Variants in FAAH2 observed in about 807,000 individuals in gnomAD.
FAAH2 encodes the protein fatty acid amide hydrolase 2, also known as fatty-acid amide hydrolase 2.
Under a neutral mutation model 36.9 loss-of-function variants are expected in FAAH2, and 60 were observed. The ratio of observed to expected loss-of-function variants is 1.63; its 90% CI spans 1.32 to 2.02. FAAH2 has a LOEUF of 2.02. FAAH2 is among the 30% of genes most tolerant of loss of function. FAAH2 has a pLI of 0.00. For synonymous variants in FAAH2, 214 were observed against 143.8 expected (o/e 1.49, Z -3.49); for missense variants, 689 against 397.5 (o/e 1.73, Z -6.23).
chrX:57,149,342 C>T, the FAAH2 span, among the ~76,000 whole-genome samples: 1 of 111,648 alleles, frequency 9.0e-6, no homozygotes, highest in South Asian at 3.8e-4. Flanking sequence ...GTACCAGCTC[C>T]TTCTTGTACC....
intron 7 of FAAH2, among the ~76,000 whole-genome samples, chrX:57,422,529 G>T (rs374995673): frequency 4.5e-4 from 50 of 111,876 alleles, no homozygotes; most frequent in African/African-American, 1.5e-3. Context: ...GGAAATAATC[G>T]CAAGATGGTT....
the FAAH2 span, among the ~76,000 whole-genome samples, chrX:57,226,605 G>A: frequency 2.7e-5 from 3 of 111,480 alleles, no homozygotes; most frequent in East Asian, 2.8e-4. Context: ...CTTAACTTTC[G>A]ATAACCTGAT....
chrX:57,352,733 A>G (rs1349608691), intron 5 of FAAH2, among the ~76,000 whole-genome samples: 1 of 111,341 alleles, frequency 9.0e-6, no homozygotes, highest in African/African-American at 3.2e-5. Flanking sequence ...CACCAAAAAT[A>G]TTTAAATTTG....
chrX:57,434,083 AT>A (rs771256980), intron 8 of FAAH2, among the ~76,000 whole-genome samples: 3,337 of 93,989 alleles, frequency 0.036, 123 homozygotes, highest in African/African-American at 0.11. Flanking sequence ...AATTAAATTG[AT>A]TTTTTTTTTT....
intron 7 of FAAH2, among the ~76,000 whole-genome samples, chrX:57,420,664 A>T (rs762414967): frequency 9.2e-6 from 1 of 108,985 alleles, no homozygotes; most frequent in Non-Finnish European, 1.9e-5. Context: ...TGTCATCTGC[A>T]AACAGGGACA....
chrX:57,131,751 A>G, the FAAH2 span, among the ~76,000 whole-genome samples: 1 of 112,396 alleles, frequency 8.9e-6, no homozygotes, highest in African/African-American at 3.2e-5. Flanking sequence ...AATATTACAG[A>G]TATGCTTGAA....
intron 10 of FAAH2, among the ~76,000 whole-genome samples, chrX:57,469,292 A>G (rs1415713544): frequency 8.9e-6 from 1 of 111,991 alleles, no homozygotes; most frequent in Non-Finnish European, 1.9e-5. Context: ...CTATTAAAAG[A>G]CACAGACTGA....
the FAAH2 span, among the ~76,000 whole-genome samples, chrX:57,268,885 T>C: frequency 1.8e-5 from 2 of 111,473 alleles, no homozygotes; most frequent in Non-Finnish European, 3.8e-5. Context: ...AATCCACACA[T>C]ATCAATACTG....
the FAAH2 span, among the ~76,000 whole-genome samples, chrX:57,207,693 C>T: frequency 8.9e-6 from 1 of 112,492 alleles, no homozygotes; most frequent in Non-Finnish European, 1.9e-5. Flanking sequence ...GAATCAATGA[C>T]TCCTGTTTGT....
chrX:57,234,896 A>G, the FAAH2 span, among the ~76,000 whole-genome samples: 7 of 111,441 alleles, frequency 6.3e-5, no homozygotes, highest in East Asian at 1.1e-3. Context: ...AAATTAACCG[A>G]GCATGGTGGT....
intron 5 of FAAH2, among the ~76,000 whole-genome samples, chrX:57,375,334 G>A (rs1379433689): frequency 9.9e-6 from 1 of 100,777 alleles, no homozygotes; most frequent in Non-Finnish European, 2.0e-5. Flanking sequence ...ATTCAGCTGT[G>A]AATCCATCTG....
At chrX:57,407,891 A>G (rs1483933600) in intron 7 of FAAH2, among the ~76,000 whole-genome samples, 3 of 112,179 alleles carry the variant, frequency 2.7e-5, no homozygotes, top group Non-Finnish European at 3.8e-5. Flanking sequence ...TCATAAAATA[A>G]CTTATTGAAG....
chrX:57,278,122 C>T, the FAAH2 span, among the ~76,000 whole-genome samples: 1 of 111,662 alleles, frequency 9.0e-6, no homozygotes, highest in Non-Finnish European at 1.9e-5. Context: ...CATGACAATC[C>T]TAAGCAAAAA....
At chrX:57,199,023 T>C in the FAAH2 span, among the ~76,000 whole-genome samples, 1 of 110,801 alleles carries the variant, frequency 9.0e-6, no homozygotes, top group African/African-American at 3.3e-5. Context: ...TTTCCTGGTA[T>C]GTTCCTGTGG....
At chrX:57,249,842 A>T in the FAAH2 span, among the ~76,000 whole-genome samples, 2 of 112,257 alleles carry the variant, frequency 1.8e-5, no homozygotes, top group African/African-American at 6.5e-5. Context: ...CACAGATTGG[A>T]TGAATCATGA....
the FAAH2 span, among the ~76,000 whole-genome samples, chrX:57,252,462 G>A: frequency 8.9e-6 from 1 of 112,460 alleles, no homozygotes; most frequent in Non-Finnish European, 1.9e-5. Flanking sequence ...CACCCGTGTA[G>A]CCTGATTGGT....
chrX:57,483,856 C>A (rs1236367569), intron 10 of FAAH2, among the ~76,000 whole-genome samples: 1 of 91,814 alleles, frequency 1.1e-5, no homozygotes, highest in Non-Finnish European at 2.0e-5. Context: ...TGCAATGGCG[C>A]ACAATAAATC....
intron 10 of FAAH2, among the ~76,000 whole-genome samples, chrX:57,487,917 T>C (rs1041175687): frequency 8.9e-6 from 1 of 111,985 alleles, no homozygotes; most frequent in African/African-American, 3.2e-5. Context: ...GAATAGATAA[T>C]CAAAATTTGG....
intron 5 of FAAH2, among the ~76,000 whole-genome samples, chrX:57,362,423 G>A (rs1054589374): frequency 1.8e-5 from 2 of 111,090 alleles, no homozygotes; most frequent in Non-Finnish European, 3.8e-5. Context: ...GATGGGTGCA[G>A]CAAACCACCA....
Sources: allele counts gnomAD v4.1 joint callset (sites outside exome capture counted in the v4.1 genomes callset), GRCh38; gene constraint gnomAD v4.1.1; transcripts MANE v1.5; gene names NCBI Gene and HGNC (gene_info 2026-07-23, HGNC 2026-07-21).